Variants in MAP7D2 observed in about 807,000 individuals in gnomAD.
MAP7D2 encodes MAP7 domain containing 2, also known as MAP7 domain-containing protein 2.
Under a neutral mutation model 63.5 loss-of-function variants are expected in MAP7D2, and 33 were observed. That is an observed-to-expected ratio of 0.52 (90% CI 0.39 to 0.70). MAP7D2 has a LOEUF of 0.70. MAP7D2 is among the 30% of genes least tolerant of loss of function. MAP7D2 has a pLI of 0.00. For synonymous variants in MAP7D2, 224 were observed against 223.7 expected, an observed-to-expected ratio of 1.00 and a Z score of -0.01; for missense variants, 626 against 604.0, an observed-to-expected ratio of 1.04 and a Z score of -0.38.
chrX:20,026,203 A>T (rs1481087430), intron 8 of MAP7D2, among the ~76,000 whole-genome samples: 2 of 111,230 alleles, frequency 1.8e-5, no homozygotes, highest in African/African-American at 6.6e-5. Context: ...TCCTAATCTC[A>T]CTTAGGTTTC....
chrX:20,083,847 T>C (rs1444997386), intron 1 of MAP7D2, among the ~76,000 whole-genome samples: 1 of 111,391 alleles, frequency 9.0e-6, no homozygotes, highest in Admixed American at 9.6e-5. Context: ...TACTGGCATC[T>C]AGTGGGTACA....
At chrX:20,101,745 G>A (rs1477583864) in intron 1 of MAP7D2, among the ~76,000 whole-genome samples, 2 of 112,332 alleles carry the variant, frequency 1.8e-5, no homozygotes, top group African/African-American at 6.5e-5. Context: ...TGGTACCTGT[G>A]ACAACATAGG....
At chrX:20,092,025 T>C (rs1199153755) in intron 1 of MAP7D2, among the ~76,000 whole-genome samples, 1 of 112,040 alleles carries the variant, frequency 8.9e-6, no homozygotes, top group Non-Finnish European at 1.9e-5. Flanking sequence ...TATCTACAGT[T>C]AACACATTGT....
Position 20,064,710 on chromosome X carries a change from C to T in MAP7D2, c.208+18G>A. The T allele has an allele frequency of 8.3e-7, 1 of 1,201,162 alleles. No homozygotes were observed. Among genetic ancestry groups the T allele is most frequent in the African/African-American group, 1.7e-5 (1 of 57,641 alleles). ...TCTCCACTCCCTTGGACCAAAATAGCCAAAGTGCATAACTTACCCAGACAT... is the reference window on the plus strand; with the variant it reads ...TCTCCACTCCCTTGGACCAAAATAGTCAAAGTGCATAACTTACCCAGACAT... On this transcript the variant is annotated intron_variant, in intron 2 of 16. Transcript: ENST00000379643.
chrX:20,042,292 C>A (rs145166955), intron 8 of MAP7D2, among the ~76,000 whole-genome samples: 1 of 111,642 alleles, frequency 9.0e-6, no homozygotes. Flanking sequence ...AGCCCTGTTA[C>A]GCACTGGGGT....
chrX:20,088,260 A>T lies in MAP7D2; in HGVS notation c.131-23455T>A, dbSNP rs752421607. Among the ~76,000 whole-genome samples the T allele has an allele frequency of 5.9e-5, 6 of 101,398 alleles. No individual in the cohort carries two copies. The East Asian group carries it at 1.8e-3, about 31-fold the overall frequency. The allele number at this position is 101,398 out of a possible 115,157, so 88.1% of individuals were successfully genotyped here. ...AGCTGCAAGATGTTTTTATTTGCTT[A>T]TATTTTATTCACAAGAAGGTTGGTC... On this transcript the variant is annotated intron_variant, in intron 1 of 16. Transcript: ENST00000379643.
In MAP7D2 at chrX:20,052,871, C is replaced by G; in HGVS notation, c.595+7G>C. The G allele has an allele frequency of 8.6e-7, 1 of 1,165,898 alleles. No individual in the cohort carries two copies. Among genetic ancestry groups the G allele is most frequent in the Non-Finnish European group, 1.2e-6 (1 of 853,860 alleles). ...ACTAGAGAGACCAAGTCTACATGTTCACTTGCCTCGGTCTGGGGAATAGGA... is the reference window on the plus strand; with the variant it reads ...ACTAGAGAGACCAAGTCTACATGTTGACTTGCCTCGGTCTGGGGAATAGGA... On this transcript the variant is annotated splice_region_variant and intron_variant, in intron 5 of 16. Coordinates refer to ENST00000379643, the MANE Select transcript of MAP7D2 (RefSeq NM_001168465.2).
rs774555597 is a variant in MAP7D2, at chrX:20,116,840, G to A, written c.40C>T (p.Pro14Ser). The change falls in exon 1 of 17, where the codon CCT becomes TCT. Residue 14 changes from proline to serine, a missense_variant. Pro to Ser is a moderately conservative substitution (Grantham distance 74). Transcript: ENST00000379643. ...GAGGTTCCCCGCGCAGTCCCCTCAG[G>A]CCGGGATCCCGTCCCGGAGCCGCCG... ...GGGGSGTGSR[P>S]EGTARGTSLP... 6.9e-6 allele frequency: 8 copies of A among 1,164,979 alleles called. No homozygotes were observed. In the South Asian group the frequency reaches 7.8e-5, roughly 11 times the overall value.
rs773867135 is a variant in MAP7D2, at chrX:20,062,239, T to C, written c.372+1175A>G. Among the ~76,000 whole-genome samples, 208 of 112,007 alleles carry C rather than the reference T, an allele frequency of 1.9e-3. 2 individuals are homozygous for C. The highest frequency in any genetic ancestry group is 5.7e-3 in the African/African-American group (176 of 30,897). ...CTGTTTTGGGCTAAGGAGACAGAGT[T>C]AGAGGGGCATGTGACTTGCCCCTGG... On this transcript the variant is annotated intron_variant, in intron 3 of 16. Transcript: ENST00000379643.
chrX:20,013,709 T>G, intron 12 of MAP7D2, 84 bp from the exon 13 acceptor site: 2 of 644,904 alleles, frequency 3.1e-6, no homozygotes, highest in Admixed American at 3.2e-5. Context: ...ACATGCAATG[T>G]CACATTTCTC....
At chrX:20,032,752 A>T (rs913206920) in intron 8 of MAP7D2, among the ~76,000 whole-genome samples, 2 of 111,930 alleles carry the variant, frequency 1.8e-5, no homozygotes, top group Admixed American at 1.9e-4. Flanking sequence ...TTTTGAGTTT[A>T]TCTCTCCATC....
Position 20,063,503 on chromosome X carries a change from A to T in MAP7D2, c.283T>A (p.Trp95Arg), listed in dbSNP as rs1202287217. ...TGCCGCTGCTCTTCCAGTTTTCGCCATCGCTCCTCCATTTGCTTTTCGTAC... is the reference window on the plus strand; with the variant it reads ...TGCCGCTGCTCTTCCAGTTTTCGCCTTCGCTCCTCCATTTGCTTTTCGTAC... ...LQYEKQMEER[W>R]RKLEEQRQRE... Residue 95 changes from tryptophan (W) to arginine (R), a missense_variant, in exon 3 of 17, where the codon TGG becomes AGG. Physicochemically the swap from Trp to Arg is moderately radical, Grantham distance 101. Coordinates refer to ENST00000379643, the MANE Select transcript of MAP7D2 (RefSeq NM_001168465.2). The T allele has an allele frequency of 8.3e-7, 1 of 1,211,969 alleles. No homozygotes were observed. The highest frequency in any genetic ancestry group is 1.1e-6 in the Non-Finnish European group (1 of 895,513).
chrX:20,010,504 T>A (rs1262376623), intron 16 of MAP7D2, among the ~76,000 whole-genome samples: 1 of 112,239 alleles, frequency 8.9e-6, no homozygotes, highest in African/African-American at 3.2e-5. Context: ...CAGGCTGGAC[T>A]GGTAGTCAAA....
intron 1 of MAP7D2, among the ~76,000 whole-genome samples, chrX:20,071,644 G>A (rs936344307): frequency 2.7e-5 from 3 of 112,122 alleles, no homozygotes; most frequent in African/African-American, 9.7e-5. Flanking sequence ...CCTCCCTGTG[G>A]CTACTCTCTG....
In MAP7D2 at chrX:20,025,868, G is replaced by C; in HGVS notation, c.1092C>G (p.Ala364=). ...TCTTGGGCATGTCTTGGCCAGAAAG[G>C]GCAGGTAAGCGGTACTTCACAGGAG... ...PGSPVKYRLP[A]LSGQDMPKRK... is the part of the protein sequence containing the mutation. Residue 364 remains alanine, a synonymous_variant, in exon 9 of 17, where the codon GCC becomes GCG. Coordinates refer to ENST00000379643, the MANE Select transcript of MAP7D2 (RefSeq NM_001168465.2). 5 of 1,211,647 alleles carry C rather than the reference G, an allele frequency of 4.1e-6. No homozygotes were observed. Among genetic ancestry groups the C allele is most frequent in the Non-Finnish European group, 5.6e-6 (5 of 895,422 alleles).
intron 1 of MAP7D2, among the ~76,000 whole-genome samples, chrX:20,070,258 TTTC>T (rs1440098003): frequency 3.8e-5 from 4 of 104,243 alleles, no homozygotes; most frequent in Non-Finnish European, 5.8e-5. Context: ...CGGCAATTTT[TTTC>T]TTATTTATTT....
At chrX:20,074,544 A>G (rs2065596465) in intron 1 of MAP7D2, among the ~76,000 whole-genome samples, 1 of 111,724 alleles carries the variant, frequency 9.0e-6, no homozygotes, top group Admixed American at 9.5e-5. Context: ...AAAACCAATT[A>G]CAATCCCATA....
chrX:20,013,514 G>T, intron 13 of MAP7D2, 55 bp downstream of exon 13: 1 of 996,045 alleles, frequency 1.0e-6, no homozygotes, highest in Non-Finnish European at 1.4e-6. Flanking sequence ...AGTGTATTCT[G>T]CTGTTCTTTT....
intron 1 of MAP7D2, among the ~76,000 whole-genome samples, chrX:20,088,051 G>A (rs896470102): frequency 9.4e-6 from 1 of 106,842 alleles, no homozygotes; most frequent in South Asian, 4.2e-4. Context: ...CATCACGTCC[G>A]GCTAATTTTT....
Sources: allele counts gnomAD v4.1 joint callset (sites outside exome capture counted in the v4.1 genomes callset), GRCh38; gene constraint gnomAD v4.1.1; transcripts MANE v1.5; gene names NCBI Gene and HGNC (gene_info 2026-07-23, HGNC 2026-07-21).